TCF3: variants seen among roughly 807,000 people sequenced by gnomAD.
The protein encoded by TCF3 is transcription factor 3.
Under a neutral mutation model 72.3 loss-of-function variants are expected in TCF3, and 54 were observed. That is an observed-to-expected ratio of 0.75 (90% CI 0.60 to 0.94). The LOEUF (loss-of-function observed/expected upper bound fraction) is 0.94. Among genes scored for constraint, TCF3 ranks in the 40% least tolerant of loss-of-function variants. The probability of loss-of-function intolerance (pLI) is 0.00; values close to 1 mark genes in which losing one functional copy is unlikely to be tolerated. For synonymous variants in TCF3, 525 were observed against 412.6 expected (o/e 1.27, Z -3.30); for missense variants, 1,078 against 934.4 (o/e 1.15, Z -2.00).
chr19:1,650,936 C>T (rs1030604903), intron 1 of TCF3: 2 of 231,670 alleles, frequency 8.6e-6, no homozygotes, highest in Non-Finnish European at 1.7e-5. Context: ...CTCCCTCCCC[C>T]CAAGAAAACC....
intron 2 of TCF3, among the ~76,000 whole-genome samples, 188 bp from the exon 3 acceptor site, chr19:1,646,615 C>G (rs2066140445): frequency 6.6e-6 from 1 of 152,178 alleles, no homozygotes; most frequent in Non-Finnish European, 1.5e-5. Flanking sequence ...CGCGTGCCCT[C>G]AAGTGACGCT....
intron 11 of TCF3, among the ~76,000 whole-genome samples, chr19:1,621,637 A>C (rs564709172): frequency 6.6e-6 from 1 of 152,224 alleles, no homozygotes; most frequent in East Asian, 1.9e-4. Context: ...GCCGCTCCTC[A>C]AAGATCTGTT....
In TCF3 at chr19:1,612,274, C is replaced by A. The variant is rs372813564; in HGVS notation, c.1823-425G>T. The A allele has an allele frequency of 1.2e-4, 193 of 1,613,024 alleles. No homozygotes were observed. The highest frequency in any genetic ancestry group is 1.4e-4 in the Non-Finnish European group (164 of 1,179,374). ...GCTGCAGGATGAGCAGCTTGGTCTG[C>A]GCTTTGTCCGACTTGAGGTGCATCT... On this transcript the variant is annotated intron_variant, in intron 18 of 18. Coordinates refer to ENST00000262965, the MANE Select transcript of TCF3 (RefSeq NM_003200.5).
At chr19:1,637,203 C>T (rs1030417476) in intron 3 of TCF3, among the ~76,000 whole-genome samples, 2 of 148,452 alleles carry the variant, frequency 1.3e-5, no homozygotes, top group African/African-American at 2.5e-5. Context: ...AGGGGCGCCT[C>T]GCAACCTCCT....
intron 5 of TCF3, among the ~76,000 whole-genome samples, chr19:1,630,259 G>A (rs1304509345): frequency 6.6e-6 from 1 of 152,208 alleles, no homozygotes; most frequent in Non-Finnish European, 1.5e-5. Context: ...CGGCAGGGGG[G>A]CGGGGCCAGG....
chr19:1,651,753 G>A (rs1196269501), intron 1 of TCF3, among the ~76,000 whole-genome samples: 2 of 151,820 alleles, frequency 1.3e-5, no homozygotes, highest in Non-Finnish European at 2.9e-5. Flanking sequence ...TCGCAGCGCG[G>A]CCGCCGCCTC....
intron 3 of TCF3, among the ~76,000 whole-genome samples, chr19:1,640,074 G>C (rs1425472626): frequency 6.6e-6 from 1 of 152,204 alleles, no homozygotes; most frequent in Non-Finnish European, 1.5e-5. Context: ...CCACCTAAAA[G>C]TTGGCGCATT....
Position 1,650,568 on chromosome 19 carries a change from G to A in TCF3, c.-39-281C>T, listed in dbSNP as rs570223514. ...AATATAAACTCCCTAACTCCCCCAGGGAACACCAGGGCATCAAGTTGCCAA... is the reference window on the plus strand; with the variant it reads ...AATATAAACTCCCTAACTCCCCCAGAGAACACCAGGGCATCAAGTTGCCAA... On this transcript the variant is annotated intron_variant, in intron 1 of 18. Transcript: ENST00000262965. 14 of 335,682 alleles carry A rather than the reference G, an allele frequency of 4.2e-5. No individual in the cohort carries two copies. The South Asian group carries it at 1.0e-3, about 24-fold the overall frequency. The allele number at this position is 335,682 out of a possible 1,614,324, so 20.8% of individuals were successfully genotyped here. A position where few individuals can be genotyped will look rare whatever the true frequency, so the allele number is the denominator to read the frequency against.
chr19:1,638,244 C>G (rs186718322), intron 3 of TCF3, among the ~76,000 whole-genome samples: 17 of 152,350 alleles, frequency 1.1e-4, no homozygotes, highest in Non-Finnish European at 2.5e-4. Context: ...AGGAAACTGA[C>G]GCAAAAGATA....
At chr19:1,648,376 G>T (rs1260997549) in intron 2 of TCF3, among the ~76,000 whole-genome samples, 1 of 152,156 alleles carries the variant, frequency 6.6e-6, no homozygotes, top group Admixed American at 6.5e-5. Flanking sequence ...GGAGAGGACG[G>T]GCACCTCGCC....
chr19:1,631,955 C>A (rs758822943), intron 5 of TCF3, 83 bp downstream of exon 5: 96 of 1,556,598 alleles, frequency 6.2e-5, no homozygotes, highest in Non-Finnish European at 8.2e-5. Flanking sequence ...ACTTGCCTGG[C>A]GCTGTGCGTG....
intron 3 of TCF3, among the ~76,000 whole-genome samples, chr19:1,634,413 C>G (rs770831122): frequency 6.6e-6 from 1 of 152,238 alleles, no homozygotes; most frequent in Non-Finnish European, 1.5e-5. Context: ...GCCTGGCTGC[C>G]TCGGGAGAGG....
At chr19:1,619,759 T>TGGGGTTGGGGGGGGGG in intron 14 of TCF3, 21 bp downstream of exon 14, 1 of 483,204 alleles carries the variant, frequency 2.1e-6, no homozygotes. Flanking sequence ...AAGGGTGGGG[T>TGGGGTTGGGGGGGGGG]GGGGCGGGGC....
chr19:1,631,626 C>A (rs1452238955), intron 5 of TCF3, among the ~76,000 whole-genome samples: 1 of 152,038 alleles, frequency 6.6e-6, no homozygotes, highest in East Asian at 1.9e-4. Context: ...GGCGGGCGGG[C>A]GGTCTGCGGA....
intron 16 of TCF3, chr19:1,616,405 C>G (rs1049833284): frequency 6.6e-6 from 1 of 150,644 alleles, no homozygotes; most frequent in African/African-American, 2.5e-5. Flanking sequence ...ACCCAGGAGG[C>G]GGAGGTTGCA....
intron 3 of TCF3, among the ~76,000 whole-genome samples, chr19:1,638,046 A>G (rs1005652630): frequency 6.6e-6 from 1 of 152,260 alleles, no homozygotes; most frequent in African/African-American, 2.4e-5. Flanking sequence ...GGATCCTCAA[A>G]GAAATGGCAG....
intron 1 of TCF3, chr19:1,650,933 C>A (rs2066928236): frequency 4.3e-6 from 1 of 231,560 alleles, no homozygotes; most frequent in Admixed American, 5.6e-5. Context: ...AATCTCCCTC[C>A]CCCCAAGAAA....
In TCF3 at chr19:1,630,525, G is replaced by A. The variant is rs140439430; in HGVS notation, c.298+1513C>T. On this transcript the variant is annotated intron_variant, in intron 5 of 18. Coordinates refer to ENST00000262965, the MANE Select transcript of TCF3 (RefSeq NM_003200.5). ...AAGTCCTCCGGGCCTCAGTTTCCCC[G>A]CAAGCCAACAATGCCGAGGGGTACA... Among the ~76,000 whole-genome samples the A allele has an allele frequency of 6.7e-3, 1,015 of 152,220 alleles. 18 individuals are homozygous for A. The highest frequency in any genetic ancestry group is 0.022 in the African/African-American group (934 of 41,512).
At position 1,620,641 on chromosome 19, in the gene TCF3, G is replaced by A. The variant is rs539487413; in HGVS notation, c.1093+327C>T. Among the ~76,000 whole-genome samples, 4 of 152,268 alleles carry A rather than the reference G, an allele frequency of 2.6e-5. No homozygotes were observed. In the South Asian group the frequency reaches 8.3e-4, roughly 32 times the overall value. ...GCCTGTGCTGTGACCTAACCTGGAC[G>A]CCACCTCCCAGCCCTCCCTCACTGC... On this transcript the variant is annotated intron_variant, in intron 13 of 18. Transcript: ENST00000262965.
Sources: gnomAD v4.1 joint callset for allele counts (sites outside exome capture counted in the v4.1 genomes callset) on GRCh38, gnomAD v4.1.1 for gene constraint, MANE v1.5 for transcripts, NCBI Gene and HGNC (gene_info 2026-07-23, HGNC 2026-07-21) for gene names.